The following ZNF442 variants were observed in gnomAD, a reference collection of about 807,000 sequenced individuals.
ZNF442 encodes the protein zinc finger protein 442.
A neutral mutation model predicts 57.0 loss-of-function variants in ZNF442; 45 were observed. The observed-to-expected ratio is 0.79, with a 90% CI of 0.62 to 1.01. The LOEUF (loss-of-function observed/expected upper bound fraction) is 1.01. ZNF442 is among the 50% of genes least tolerant of loss of function. The pLI, the probability that ZNF442 is intolerant of heterozygous loss-of-function variation, is 0.00. For missense variants in ZNF442, 690 were observed against 756.5 expected (o/e 0.91, Z 1.03); for synonymous variants, 213 against 241.8 (o/e 0.88, Z 1.10).
In ZNF442 at chr19:12,348,903, T is replaced by C. The variant is rs1194221466; in HGVS notation, c.*798A>G. On this transcript the variant is annotated 3_prime_UTR_variant, in exon 6 of 6. Transcript: ENST00000242804. ...ATGATTGTTGAAAAAAAAGAAACTG[T>C]AGATTACAGGCTCATGCCTGTAATC... 1.3e-5 allele frequency: 2 copies of C among 151,428 alleles called. No homozygotes were observed. The highest frequency in any genetic ancestry group is 2.4e-5 in the African/African-American group (1 of 41,228). The allele number at this position is 151,428 out of a possible 1,614,324, so 9.4% of individuals were successfully genotyped here.
rs775657560 is a variant in ZNF442 at position 12,363,592 on chromosome 19, G to A, written c.40C>T (p.Leu14Phe). The change falls in exon 3 of 6, where the codon CTT (leucine) becomes TTT (phenylalanine). Residue 14 changes from leucine to phenylalanine, a missense_variant. Physicochemically the swap from Leu to Phe is conservative, Grantham distance 22 (BLOSUM62 0). Coordinates refer to ENST00000242804, the MANE Select transcript of ZNF442 (RefSeq NM_030824.3). ...TCTTCATTAGTCTGAGAGTCAGGAA[G>A]GAAGAGATCACTTCTGTCTTCTCCC... is the stretch of plus-strand genomic sequence containing the variant. ...FGGEDRSDLF[L>F]PDSQTNEERK... 146 of 1,614,100 alleles carry A rather than the reference G, an allele frequency of 9.0e-5. No individual in the cohort carries two copies. Among genetic ancestry groups the A allele is most frequent in the Non-Finnish European group, 1.1e-4 (133 of 1,180,042 alleles).
the ZNF442 span, among the ~76,000 whole-genome samples, chr19:12,372,535 AT>A: frequency 6.6e-6 from 1 of 152,202 alleles, no homozygotes; most frequent in Non-Finnish European, 1.5e-5. Context: ...ACAAATTTTT[AT>A]TAACTGATTT....
In ZNF442 at chr19:12,350,696, G is replaced by T. The variant is rs78444677; in HGVS notation, c.889C>A (p.Arg297=). ...HTGEKPYKCK[R]CGRAFSVSSS... is the part of the protein sequence containing the mutation. ...GAAACACTGAAGGCTCTTCCACATC[G>T]TTTACATTTATAGGGTTTTTCTCCA... The change falls in exon 6 of 6, where the codon CGA becomes AGA. Residue 297 remains arginine, a synonymous_variant. Transcript: ENST00000242804. The T allele has an allele frequency of 1.9e-6, 3 of 1,613,466 alleles. No homozygotes were observed. Among genetic ancestry groups the T allele is most frequent in the South Asian group, 2.2e-5 (2 of 90,996 alleles).
chr19:12,360,362 G>A (rs980262806), intron 3 of ZNF442, among the ~76,000 whole-genome samples: 6 of 152,110 alleles, frequency 3.9e-5, no homozygotes. Flanking sequence ...GCTTCTTTAA[G>A]TATAAAAGGC....
At position 12,348,317 on chromosome 19, in the gene ZNF442, T is replaced by C. The variant is rs1969158380; in HGVS notation, c.*1384A>G. ...GAGATCGCGCCACTGCACTCCAGAC[T>C]GGGCAATAAGAACGAAACTCAGTCT... is the stretch of plus-strand genomic sequence containing the variant. On this transcript the variant is annotated 3_prime_UTR_variant, in exon 6 of 6. Coordinates refer to ENST00000242804, the MANE Select transcript of ZNF442 (RefSeq NM_030824.3). 6.6e-6 allele frequency: 1 copy of C among 151,964 alleles called. No homozygotes were observed. The highest frequency in any genetic ancestry group is 2.4e-5 in the African/African-American group (1 of 41,362). The allele number at this position is 151,964 out of a possible 1,614,324, so 9.4% of individuals were successfully genotyped here.
chr19:12,349,331 A>G lies in ZNF442; in HGVS notation c.*370T>C, dbSNP rs1475733472. ...TTCATATCACGATTCTCTAAAAAAA[A>G]TACAATAAAATGACTGTTTACATAG... is the stretch of plus-strand genomic sequence containing the variant. On this transcript the variant is annotated 3_prime_UTR_variant, in exon 6 of 6. Coordinates refer to ENST00000242804, the MANE Select transcript of ZNF442 (RefSeq NM_030824.3). The G allele has an allele frequency of 2.9e-5, 5 of 171,770 alleles. No individual in the cohort carries two copies. The highest frequency in any genetic ancestry group is 6.2e-5 in the Non-Finnish European group (5 of 80,374). 10.6% of individuals were successfully genotyped at this position (171,770 alleles called of 1,614,324 possible). A position where few individuals can be genotyped will look rare whatever the true frequency, so the allele number is the denominator to read the frequency against.
At chr19:12,362,659 T>A (rs1969454690) in intron 3 of ZNF442, among the ~76,000 whole-genome samples, 1 of 138,134 alleles carries the variant, frequency 7.2e-6, no homozygotes, top group Admixed American at 6.8e-5. Context: ...GGCCGCCCCG[T>A]CTGGGAGGTG....
At position 12,349,873 on chromosome 19, in the gene ZNF442, G is replaced by A. The variant is rs140823264; in HGVS notation, c.1712C>T (p.Ser571Phe). 21 of 1,613,716 alleles carry A rather than the reference G, an allele frequency of 1.3e-5. No homozygotes were observed. The highest frequency in any genetic ancestry group is 1.8e-5 in the Non-Finnish European group (21 of 1,179,974). ...TTTACCACATTGTTGACATTCATAA[G>A]ATTTCTTTCCAGTGTGAATTCTTTC... Reference protein sequence around the residue: ...RHERIHTGKKSYECQQCGKAF... With the variant: ...RHERIHTGKKFYECQQCGKAF... Residue 571 changes from serine (S) to phenylalanine (F), a missense_variant, in exon 6 of 6, where the codon TCT becomes TTT. Coordinates refer to ENST00000242804, the MANE Select transcript of ZNF442 (RefSeq NM_030824.3).
rs1235157933 is a variant in ZNF442, at chr19:12,348,703, T to C, written c.*998A>G. 5.3e-5 allele frequency: 8 copies of C among 152,234 alleles called. No individual in the cohort carries two copies. The highest frequency in any genetic ancestry group is 1.9e-4 in the African/African-American group (8 of 41,532). 9.4% of individuals were successfully genotyped at this position (152,234 alleles called of 1,614,324 possible). ...TTCAAGTGAGCCTGATGTCTCACTG[T>C]TTATCTACAGTGCCACCCATCTAGT... On this transcript the variant is annotated 3_prime_UTR_variant, in exon 6 of 6. Transcript: ENST00000242804.
intron 4 of ZNF442, among the ~76,000 whole-genome samples, chr19:12,352,520 T>C (rs1969258329): frequency 6.6e-6 from 1 of 152,146 alleles, no homozygotes; most frequent in African/African-American, 2.4e-5. Context: ...AGTCCACTTA[T>C]ATATGAATTT....
At chr19:12,373,054 C>A in the ZNF442 span, among the ~76,000 whole-genome samples, 700 of 152,202 alleles carry the variant, frequency 4.6e-3, 7 homozygotes, top group African/African-American at 0.016. Flanking sequence ...TTACAGGTGT[C>A]AGCCACCGCA....
intron 3 of ZNF442, among the ~76,000 whole-genome samples, chr19:12,358,522 C>A (rs1463442755): frequency 6.6e-6 from 1 of 152,158 alleles, no homozygotes; most frequent in African/African-American, 2.4e-5. Flanking sequence ...TTTTGGTGTA[C>A]TGATTTCTTT....
chr19:12,363,823 AC>A (rs1354342947), intron 2 of ZNF442, among the ~76,000 whole-genome samples, 152 bp from the exon 3 acceptor site: 2 of 152,150 alleles, frequency 1.3e-5, no homozygotes, highest in Admixed American at 6.5e-5. Flanking sequence ...GGGAGAAATG[AC>A]CCAGGGACTG....
chr19:12,351,499 G>C (rs975576172), intron 5 of ZNF442, among the ~76,000 whole-genome samples, 181 bp from the exon 6 acceptor site: 5 of 152,112 alleles, frequency 3.3e-5, no homozygotes, highest in African/African-American at 1.2e-4. Flanking sequence ...TCTTGACAAT[G>C]ATAAACACAT....
the ZNF442 span, chr19:12,373,643 A>AT: frequency 3.3e-6 from 1 of 298,566 alleles, no homozygotes; most frequent in South Asian, 3.6e-5. Flanking sequence ...TCAAACCAGC[A>AT]TGGTCTGATC....
chr19:12,361,787 G>A (rs1180908948), intron 3 of ZNF442, among the ~76,000 whole-genome samples: 3 of 150,964 alleles, frequency 2.0e-5, no homozygotes, highest in African/African-American at 7.3e-5. Context: ...CTGGACTGTA[G>A]TGCCGCCATC....
At position 12,349,666 on chromosome 19, in the gene ZNF442, G is replaced by A; in HGVS notation, c.*35C>T. ...CCTATGTGATTTCTTTCACGTTTCT[G>A]AAATGAAATAAAATTAATGAATGCT... On this transcript the variant is annotated 3_prime_UTR_variant, in exon 6 of 6. Transcript: ENST00000242804. 1.3e-6 allele frequency: 2 copies of A among 1,550,078 alleles called. No individual in the cohort carries two copies. The highest frequency in any genetic ancestry group is 1.7e-6 in the Non-Finnish European group (2 of 1,149,626).
chr19:12,357,329 C>T (rs971916760), intron 3 of ZNF442, among the ~76,000 whole-genome samples: 1 of 150,930 alleles, frequency 6.6e-6, no homozygotes, highest in Non-Finnish European at 1.5e-5. Context: ...GGATCCTACC[C>T]CCAGAATTTC....
At chr19:12,370,189 G>C (rs988886664), upstream of ZNF442, among the ~76,000 whole-genome samples, 10 of 151,490 alleles carry the variant, frequency 6.6e-5, no homozygotes, top group African/African-American at 2.2e-4. Flanking sequence ...CCCTGAGCTT[G>C]TTTTCCTGCA....
Sources: allele counts gnomAD v4.1 joint callset (sites outside exome capture counted in the v4.1 genomes callset), GRCh38; gene constraint gnomAD v4.1.1; transcripts MANE v1.5; gene names NCBI Gene and HGNC (gene_info 2026-07-23, HGNC 2026-07-21).